Variants in AATK observed in about 807,000 individuals in gnomAD.
AATK encodes lemur tail kinase 1, also known as serine/threonine-protein kinase LMTK1.
AATK carries 91 observed loss-of-function variants against 114.3 expected under a neutral mutation model. That is an observed-to-expected ratio of 0.80 (90% CI 0.67 to 0.95). The LOEUF (loss-of-function observed/expected upper bound fraction) is 0.95, where lower values mean the gene tolerates loss of function less well. Among genes scored for constraint, AATK ranks in the 40% least tolerant of loss-of-function variants. AATK has a pLI of 0.00. For missense variants in AATK, 2,176 were observed against 1,965.2 expected, an observed-to-expected ratio of 1.11 and a Z score of -2.03; for synonymous variants, 1,075 against 916.5, an observed-to-expected ratio of 1.17 and a Z score of -3.12.
At chr17:81,145,883 G>A (rs776097058) in intron 1 of AATK, among the ~76,000 whole-genome samples, 1 of 151,876 alleles carries the variant, frequency 6.6e-6, no homozygotes, top group South Asian at 2.1e-4. Context: ...TAACAAATAC[G>A]TTAAGACCCC....
chr17:81,119,607 G>T (rs373976413), intron 12 of AATK, 27 bp from the exon 13 acceptor site: 2 of 1,537,504 alleles, frequency 1.3e-6, no homozygotes. Flanking sequence ...GGCGTCACTC[G>T]CGCTCACAGC....
intron 1 of AATK, among the ~76,000 whole-genome samples, chr17:81,144,421 C>T (rs2061186585): frequency 6.6e-6 from 1 of 152,210 alleles, no homozygotes; most frequent in African/African-American, 2.4e-5. Flanking sequence ...AGGGTGGCCA[C>T]ATCATCAGGG....
chr17:81,120,515 C>A lies in AATK; in HGVS notation c.3421G>T (p.Ala1141Ser). The A allele has an allele frequency of 6.7e-7, 1 of 1,486,356 alleles. No individual in the cohort carries two copies. Among genetic ancestry groups the A allele is most frequent in the Admixed American group, 2.5e-5 (1 of 40,572 alleles). 92.1% of individuals were successfully genotyped at this position (1,486,356 alleles called of 1,614,324 possible). The change falls in exon 11 of 14, where the codon GCC (alanine) becomes TCC (serine). Residue 1141 changes from alanine (A) to serine (S), a missense_variant. Transcript: ENST00000326724. ...CCGGGCAGAGCCAGGCGGAGTGGGG[C>A]TCTGGGGGTGCCTGGGCCCCCCATC... is the stretch of plus-strand genomic sequence containing the variant. ...KRMGGPGTPR[A>S]PLRLALPGLP...
At position 81,119,986 on chromosome 17, in the gene AATK, T is replaced by G; in HGVS notation, c.3833A>C (p.Asn1278Thr). ...GGAGCCATCAGCCTGCTGCGGCCGG[T>G]TGGGGGCGCTGGGAGAGCCGGGGCT... Reference protein sequence around the residue: ...RGSPGSPSAPNRPQQADGSPN... With the variant: ...RGSPGSPSAPTRPQQADGSPN... The change falls in exon 12 of 14, where the codon AAC (asparagine) becomes ACC (threonine). Residue 1278 changes from asparagine (N) to threonine (T), a missense_variant. Physicochemically the swap from Asn to Thr is moderately conservative, Grantham distance 65. Coordinates refer to ENST00000326724, the MANE Select transcript of AATK (RefSeq NM_001080395.3). The G allele has an allele frequency of 1.4e-6, 2 of 1,445,942 alleles. No homozygotes were observed. The highest frequency in any genetic ancestry group is 9.1e-7 in the Non-Finnish European group (1 of 1,099,090). The allele number at this position is 1,445,942 out of a possible 1,614,324, so 89.6% of individuals were successfully genotyped here.
In AATK at chr17:81,119,556, T is replaced by C; in HGVS notation, c.3908A>G (p.Asp1303Gly). The C allele has an allele frequency of 6.3e-7, 1 of 1,580,520 alleles. No individual in the cohort carries two copies. Among genetic ancestry groups the C allele is most frequent in the Non-Finnish European group, 8.6e-7 (1 of 1,165,918 alleles). Residue 1303 changes from aspartate to glycine, a missense_variant, in exon 13 of 14, where the codon GAC (aspartate) becomes GGC (glycine). By Grantham distance (94) the Asp-to-Gly change is moderately conservative. Transcript: ENST00000326724. ...TGCCTTGGCCGTCATCAGCGGGAAG[T>C]CGTCGTCCCACGCGAACCCACCACC... ...EEGGGFAWDDDFPLMTAKAAF... is the reference protein window; with the variant it reads ...EEGGGFAWDDGFPLMTAKAAF...
chr17:81,121,155 G>A lies in AATK; in HGVS notation c.2781C>T (p.Pro927=), dbSNP rs1242332317. ...YEVFSPSATG[P]SGGQPRALDS... is the part of the protein sequence containing the mutation. ...CCAGCGCTCGCGGCTGCCCTCCAGA[G>A]GGGCCAGTGGCCGACGGGCTGAAGA... Residue 927 remains proline (P), a synonymous_variant, in exon 11 of 14, where the codon CCC becomes CCT. Coordinates refer to ENST00000326724, the MANE Select transcript of AATK (RefSeq NM_001080395.3). 6.2e-7 allele frequency: 1 copy of A among 1,603,348 alleles called. No homozygotes were observed. The highest frequency in any genetic ancestry group is 8.5e-7 in the Non-Finnish European group (1 of 1,175,848).
In AATK at chr17:81,128,549, A is replaced by G. The variant is rs750221088; in HGVS notation, c.335T>C (p.Val112Ala). 9.0e-6 allele frequency: 14 copies of G among 1,548,850 alleles called. No individual in the cohort carries two copies. In the Admixed American group the frequency reaches 2.7e-4, roughly 30 times the overall value. ...LPMAKQPGRS[V>A]QLLKSTDVGR... ...CACGTCTGTGGACTTGAGGAGCTGC[A>G]CTGTAACCAAGCAGGGGGTTCAGGG... is the stretch of plus-strand genomic sequence containing the variant. Residue 112 changes from valine (V) to alanine (A), a missense_variant and splice_region_variant, in exon 4 of 14, where the codon GTG becomes GCG. This residue lies in a region of AATK where 178 missense variants were observed against 175.4 expected (regional missense o/e 1.01). Coordinates refer to ENST00000326724, the MANE Select transcript of AATK (RefSeq NM_001080395.3).
intron 1 of AATK, among the ~76,000 whole-genome samples, chr17:81,138,733 G>A (rs757928873): frequency 5.5e-5 from 8 of 144,976 alleles, no homozygotes; most frequent in Non-Finnish European, 7.5e-5. Context: ...CCACACATGC[G>A]CGCACACAGA....
At position 81,127,730 on chromosome 17, in the gene AATK, G is replaced by A. The variant is rs534879756; in HGVS notation, c.534-60C>T. 9.8e-5 allele frequency: 149 copies of A among 1,523,170 alleles called. 1 individual carries two copies. The highest frequency in any genetic ancestry group is 1.3e-4 in the South Asian group (11 of 83,436). 94.4% of individuals were successfully genotyped at this position (1,523,170 alleles called of 1,614,324 possible). On this transcript the variant is annotated intron_variant, in intron 5 of 13. Coordinates refer to ENST00000326724, the MANE Select transcript of AATK (RefSeq NM_001080395.3). ...GGAGGTGGGGAGGGGGAGTCGGGCC[G>A]AGCAGGGGAGGGAGAGGAGGGGGCC...
intron 6 of AATK, among the ~76,000 whole-genome samples, chr17:81,127,078 G>C (rs1198740071): frequency 6.2e-5 from 9 of 145,796 alleles, no homozygotes; most frequent in East Asian, 2.1e-4. Flanking sequence ...TCGGGGGAGG[G>C]GGAGACGGGT....
intron 1 of AATK, among the ~76,000 whole-genome samples, chr17:81,140,911 G>T (rs1193190086): frequency 9.1e-6 from 1 of 109,698 alleles, no homozygotes; most frequent in African/African-American, 3.2e-5. Flanking sequence ...CCGTGGGGCC[G>T]TGGGGCCGTG....
intron 1 of AATK, among the ~76,000 whole-genome samples, chr17:81,148,064 C>CAAAAAAAAAAAAAAAA (rs35731140): frequency 3.9e-5 from 4 of 101,820 alleles, no homozygotes; most frequent in Admixed American, 1.1e-4. Flanking sequence ...ACAACTTTGT[C>CAAAAAAAAAAAAAAAA]AAAAAAAAAA....
intron 1 of AATK, among the ~76,000 whole-genome samples, chr17:81,136,822 G>A (rs1463378244): frequency 3.9e-5 from 6 of 152,260 alleles, no homozygotes; most frequent in East Asian, 1.9e-4. Context: ...AAGGAGAGAC[G>A]GCACACCTAG....
rs1443534198 is a variant in AATK at position 81,121,249 on chromosome 17, T to C, written c.2687A>G (p.Gln896Arg). 2 of 1,609,136 alleles carry C rather than the reference T, an allele frequency of 1.2e-6. No homozygotes were observed. ...GTCCAGGGAGTCGGGGGTCCCCACC[T>C]GCTTCTGCAGAGAGCGGAAGGCTGG... ...VVPAFRSLQKQVGTPDSLDSL... is the reference protein window; with the variant it reads ...VVPAFRSLQKRVGTPDSLDSL... Residue 896 changes from glutamine to arginine, a missense_variant, in exon 11 of 14, where the codon CAG (glutamine) becomes CGG (arginine). Gln to Arg is a conservative substitution (Grantham distance 43). Around this residue, in one of 4 missense-constraint regions of AATK, gnomAD observed 1,701 missense variants for 1,394.7 expected, o/e 1.22. Transcript: ENST00000326724.
chr17:81,128,097 T>C (rs1300144339), intron 4 of AATK, among the ~76,000 whole-genome samples, 187 bp from the exon 5 acceptor site: 1 of 152,076 alleles, frequency 6.6e-6, no homozygotes, highest in Non-Finnish European at 1.5e-5. Flanking sequence ...CTGGCTGTAA[T>C]ATTCTGAGTC....
chr17:81,145,671 T>G (rs2061207012), intron 1 of AATK, among the ~76,000 whole-genome samples: 2 of 146,174 alleles, frequency 1.4e-5, no homozygotes, highest in Non-Finnish European at 3.0e-5. Flanking sequence ...AGGCGGAGGT[T>G]GCAGTGAGCG....
rs1286176084 is a variant in AATK, at chr17:81,154,652, CAG to C, written c.55+11284_55+11285del. Reference sequence around the variant, plus strand: ...TATTTTATTTACTTATTTTTTGAGTCAGAGTCTCGCTCTGTCGCCCAGGCTGG... The same window carrying C: ...TATTTTATTTACTTATTTTTTGAGTCAGTCTCGCTCTGTCGCCCAGGCTGG... On this transcript the variant is annotated intron_variant, in intron 1 of 13. Coordinates refer to ENST00000326724, the MANE Select transcript of AATK (RefSeq NM_001080395.3). 4.4e-5 allele frequency among the ~76,000 whole-genome samples: 6 copies of C among 137,212 alleles called. 1 individual carries two copies. The South Asian group carries it at 1.4e-3, about 33-fold the overall frequency. 90.0% of individuals were successfully genotyped at this position (137,212 alleles called of 152,430 possible).
chr17:81,164,209 G>A (rs1407985708), intron 1 of AATK, among the ~76,000 whole-genome samples: 5 of 152,268 alleles, frequency 3.3e-5, no homozygotes, highest in Admixed American at 6.5e-5. Context: ...AGGCCAGGCA[G>A]AGGGACTGCA....
At position 81,128,566 on chromosome 17, in the gene AATK, G is replaced by A. The variant is rs1011935514; in HGVS notation, c.335-17C>T. On this transcript the variant is annotated splice_polypyrimidine_tract_variant and intron_variant, in intron 3 of 13. Coordinates refer to ENST00000326724, the MANE Select transcript of AATK (RefSeq NM_001080395.3). ...GGAGCTGCACTGTAACCAAGCAGGG[G>A]GTTCAGGGACCCAGTGTGGCCTCCG... The A allele has an allele frequency of 1.0e-5, 16 of 1,548,624 alleles. No homozygotes were observed. Among genetic ancestry groups the A allele is most frequent in the Admixed American group, 2.0e-5 (1 of 50,986 alleles).
Sources: allele counts gnomAD v4.1 joint callset (sites outside exome capture counted in the v4.1 genomes callset), GRCh38; gene constraint gnomAD v4.1.1; regional missense constraint gnomAD v4.1.1; transcripts MANE v1.5; gene names NCBI Gene and HGNC (gene_info 2026-07-23, HGNC 2026-07-21).